The following ANKS1B variants were observed in gnomAD, a reference collection of about 807,000 sequenced individuals.
ANKS1B encodes ankyrin repeat and sterile alpha motif domain containing 1B.
A neutral mutation model predicts 148.3 loss-of-function variants in ANKS1B; 36 were observed. That is an observed-to-expected ratio of 0.24 (90% confidence interval 0.19 to 0.32). The LOEUF (loss-of-function observed/expected upper bound fraction) is 0.32, where lower values mean the gene tolerates loss of function less well. ANKS1B is among the 10% of genes least tolerant of loss of function. ANKS1B has a pLI of 1.00. For synonymous variants in ANKS1B, 542 were observed against 560.8 expected (o/e 0.97, Z 0.47); for missense variants, 1,157 against 1,542.6 (o/e 0.75, Z 4.19).
intron 8 of ANKS1B, among the ~76,000 whole-genome samples, chr12:99,710,631 C>T (rs572458470): frequency 1.3e-5 from 2 of 152,176 alleles, no homozygotes; most frequent in South Asian, 2.1e-4. Flanking sequence ...TATAGGCATC[C>T]TTTCATACTT....
chr12:99,592,822 G>A (rs1172833624), intron 9 of ANKS1B, among the ~76,000 whole-genome samples: 2 of 151,996 alleles, frequency 1.3e-5, no homozygotes, highest in Admixed American at 6.6e-5. Flanking sequence ...ATTTTAGGGA[G>A]ACAAAAAACA....
rs1437285148 is a variant in ANKS1B at position 99,198,290 on chromosome 12, T to C, written c.2420-43895A>G. Among the ~76,000 whole-genome samples, 3 of 152,318 alleles carry C rather than the reference T, an allele frequency of 2.0e-5. No homozygotes were observed. In the East Asian group the frequency reaches 5.8e-4, roughly 29 times the overall value. On this transcript the variant is annotated intron_variant, in intron 14 of 26. Transcript: ENST00000683438. ...TCACAGGTAAAGCATGTTGAGCACA[T>C]AGTACATTTTAATAACTGCTTGTGT...
At chr12:98,945,419 C>T (rs77471192) in intron 17 of ANKS1B, among the ~76,000 whole-genome samples, 3 of 147,250 alleles carry the variant, frequency 2.0e-5, no homozygotes, top group Admixed American at 1.4e-4. Context: ...TGCCTGAGCC[C>T]GGAAGGTGGA....
intron 1 of ANKS1B, among the ~76,000 whole-genome samples, chr12:99,975,958 C>A (rs2095623408): frequency 6.6e-6 from 1 of 152,108 alleles, no homozygotes; most frequent in Non-Finnish European, 1.5e-5. Context: ...AGATGCCCAT[C>A]AATGGTAGAC....
intron 15 of ANKS1B, among the ~76,000 whole-genome samples, chr12:99,091,977 C>T (rs1439070593): frequency 2.6e-5 from 4 of 152,122 alleles, no homozygotes; most frequent in Non-Finnish European, 4.4e-5. Flanking sequence ...CATTTGAAAG[C>T]GAGTGTTCCA....
At chr12:98,765,322 T>C (rs1403448540) in intron 25 of ANKS1B, among the ~76,000 whole-genome samples, 1 of 152,212 alleles carries the variant, frequency 6.6e-6, no homozygotes, top group African/African-American at 2.4e-5. Context: ...TGGAGTGCAG[T>C]GGCACCATCT....
At chr12:98,957,670 G>A (rs11109685) in intron 17 of ANKS1B, among the ~76,000 whole-genome samples, 2 of 152,130 alleles carry the variant, frequency 1.3e-5, no homozygotes, top group South Asian at 4.2e-4. Flanking sequence ...ATAGTAAAGC[G>A]TTAGGGGTGG....
intron 10 of ANKS1B, among the ~76,000 whole-genome samples, chr12:99,470,346 G>C (rs2096220160): frequency 1.3e-5 from 2 of 152,016 alleles, no homozygotes. Flanking sequence ...TCATTACAAA[G>C]ACAACTTCAA....
chr12:99,661,057 G>A (rs966496000), intron 8 of ANKS1B, among the ~76,000 whole-genome samples: 4 of 152,034 alleles, frequency 2.6e-5, no homozygotes, highest in African/African-American at 9.7e-5. Flanking sequence ...GAAGCATGAT[G>A]AAATAACAAA....
At position 98,958,520 on chromosome 12, in the gene ANKS1B, C is replaced by G. The variant is rs566902567; in HGVS notation, c.2778+94637G>C. On this transcript the variant is annotated intron_variant, in intron 17 of 26. Coordinates refer to ENST00000683438, the MANE Select transcript of ANKS1B (RefSeq NM_001352186.2). The stretch of plus-strand genomic sequence containing the variant: ...CTCCAAATTGGTACAGTAGGATGAA[C>G]CTTCCATGACGACTGGTAGCATGTG... Among the ~76,000 whole-genome samples the G allele has an allele frequency of 2.0e-5, 3 of 152,186 alleles. No homozygotes were observed. The East Asian group carries it at 5.8e-4, about 29-fold the overall frequency.
chr12:99,585,792 C>T (rs1022898600), intron 9 of ANKS1B, among the ~76,000 whole-genome samples: 3 of 152,298 alleles, frequency 2.0e-5, no homozygotes, highest in Admixed American at 2.0e-4. Flanking sequence ...ATGGCCCAGG[C>T]TGTACCTTGG....
intron 1 of ANKS1B, among the ~76,000 whole-genome samples, chr12:99,957,254 T>C (rs1421621719): frequency 6.6e-6 from 1 of 152,170 alleles, no homozygotes; most frequent in African/African-American, 2.4e-5. Flanking sequence ...GTTCTTTCCC[T>C]TCCTTCCTTT....
chr12:99,180,560 A>G (rs2078983757), intron 14 of ANKS1B, among the ~76,000 whole-genome samples: 2 of 146,792 alleles, frequency 1.4e-5, no homozygotes, highest in African/African-American at 5.0e-5. Context: ...TGATCACTGG[A>G]TTTCTTTGAT....
intron 8 of ANKS1B, among the ~76,000 whole-genome samples, chr12:99,679,427 C>T (rs1427528699): frequency 1.3e-5 from 2 of 152,158 alleles, no homozygotes; most frequent in African/African-American, 4.8e-5. Context: ...CCCACCTCAG[C>T]CTCCCAAGTA....
intron 3 of ANKS1B, among the ~76,000 whole-genome samples, chr12:99,807,097 C>T (rs2067718393): frequency 6.6e-6 from 1 of 152,058 alleles, no homozygotes; most frequent in Admixed American, 6.6e-5. Flanking sequence ...ACTGGCTTTC[C>T]AAAAGACAGA....
chr12:99,323,792 T>C (rs1183028504), intron 12 of ANKS1B, among the ~76,000 whole-genome samples: 1 of 152,128 alleles, frequency 6.6e-6, no homozygotes, highest in Non-Finnish European at 1.5e-5. Flanking sequence ...TAGAGATCAA[T>C]ATGTAGGTAA....
intron 12 of ANKS1B, among the ~76,000 whole-genome samples, chr12:99,318,721 T>G (rs886123317): frequency 6.6e-6 from 1 of 152,176 alleles, no homozygotes; most frequent in Non-Finnish European, 1.5e-5. Context: ...AGCTTTTTAA[T>G]GTGTTTGTTC....
At chr12:99,633,225 G>A (rs1176985358) in intron 9 of ANKS1B, among the ~76,000 whole-genome samples, 2 of 151,970 alleles carry the variant, frequency 1.3e-5, no homozygotes, top group Non-Finnish European at 2.9e-5. Flanking sequence ...ACATACGTGT[G>A]CATGTGTCTG....
intron 15 of ANKS1B, among the ~76,000 whole-genome samples, chr12:99,110,872 T>A (rs189954486): frequency 9.8e-5 from 15 of 152,344 alleles, no homozygotes; most frequent in African/African-American, 2.9e-4. Context: ...CTGTATTGAT[T>A]GCCCCATTAT....
Sources: allele counts gnomAD v4.1 joint callset (sites outside exome capture counted in the v4.1 genomes callset), GRCh38; gene constraint gnomAD v4.1.1; transcripts MANE v1.5; gene names NCBI Gene and HGNC (gene_info 2026-07-23, HGNC 2026-07-21).